Variants in TUBB4B observed in about 807,000 individuals in gnomAD.
TUBB4B encodes tubulin beta 4B class IVb.
Under a neutral mutation model 34.3 loss-of-function variants are expected in TUBB4B, and 7 were observed. That is an observed-to-expected ratio of 0.20 (90% CI 0.12 to 0.38). The LOEUF (loss-of-function observed/expected upper bound fraction) is 0.38. TUBB4B is among the 10% of genes least tolerant of loss of function. The pLI, the probability that TUBB4B is intolerant of heterozygous loss-of-function variation, is 1.00. For synonymous variants in TUBB4B, 390 were observed against 250.2 expected (o/e 1.56, Z -5.27); for missense variants, 178 against 610.9 (o/e 0.29, Z 7.47).
At position 137,241,379 on chromosome 9, in the gene TUBB4B, T is replaced by C. The variant is rs774947647; in HGVS notation, c.19T>C (p.Leu7=). 2 of 1,540,706 alleles carry C rather than the reference T, an allele frequency of 1.3e-6. No individual in the cohort carries two copies. Among genetic ancestry groups the C allele is most frequent in the African/African-American group, 1.4e-5 (1 of 71,694 alleles). ...CGCCATCATGAGGGAAATCGTGCAC[T>C]TGCAGGCCGGGCAGTGCGGCAACCA... MREIVH[L]QAGQCGNQIG... Residue 7 remains leucine, a synonymous_variant, in exon 1 of 4, where the codon TTG becomes CTG. Coordinates refer to ENST00000340384, the MANE Select transcript of TUBB4B (RefSeq NM_006088.6).
rs1470944072 is a variant in TUBB4B at position 137,243,325 on chromosome 9, C to T, written c.1107C>T (p.Gly369=). 3.1e-6 allele frequency: 5 copies of T among 1,613,630 alleles called. No homozygotes were observed. The highest frequency in any genetic ancestry group is 1.3e-5 in the African/African-American group (1 of 75,068). ...TAAAAATGTCCGCCACCTTCATTGGCAACAGCACGGCCATCCAGGAGCTGT... is the reference window on the plus strand; with the variant it reads ...TAAAAATGTCCGCCACCTTCATTGGTAACAGCACGGCCATCCAGGAGCTGT... ...RGLKMSATFI[G]NSTAIQELFK... is the part of the protein sequence containing the mutation. The change falls in exon 4 of 4, where the codon GGC becomes GGT. Residue 369 remains glycine (G), a synonymous_variant. Transcript: ENST00000340384.
chr9:137,241,488 G>C (rs1588857262), intron 1 of TUBB4B, 71 bp downstream of exon 1: 14 of 1,209,188 alleles, frequency 1.2e-5, no homozygotes, highest in Non-Finnish European at 1.5e-5. Flanking sequence ...GGAAGATGGC[G>C]GCAGCAGCGG....
In TUBB4B at chr9:137,241,332, C is replaced by A. The variant is rs11545612; in HGVS notation, c.-29C>A. ...TTCTGCTGCTGTTTGTCTACTTCCT[C>A]CTGCTTCCCCGCCGCCGCCGCCGCC... On this transcript the variant is annotated 5_prime_UTR_variant, in exon 1 of 4. Transcript: ENST00000340384. 30,803 of 1,591,822 alleles carry A rather than the reference C, an allele frequency of 0.019. 2,897 individuals carry two copies. In the African/African-American group the frequency reaches 0.27, roughly 14 times the overall value.
At chr9:137,241,663 C>T in intron 1 of TUBB4B, 58 bp from the exon 2 acceptor site, 4 of 1,418,092 alleles carry the variant, frequency 2.8e-6, no homozygotes, top group South Asian at 2.5e-5. Context: ...TGCCTCCCTG[C>T]GCACCGGCCG....
chr9:137,242,442 G>A, intron 3 of TUBB4B, 54 bp from the exon 4 acceptor site: 1 of 1,578,596 alleles, frequency 6.3e-7, no homozygotes, highest in Non-Finnish European at 8.6e-7. Flanking sequence ...GCATGGCGGT[G>A]ACCAGTAGTG....
At chr9:137,242,210 G>C (rs976591002) in intron 3 of TUBB4B, 189 bp downstream of exon 3, 7 of 676,530 alleles carry the variant, frequency 1.0e-5, no homozygotes, top group South Asian at 9.7e-5. Flanking sequence ...CGCCACACAC[G>C]TAATCTCCCT....
Position 137,243,533 on chromosome 9 carries a change from G to A in TUBB4B, c.1315G>A (p.Glu439Lys). The change falls in exon 4 of 4, where the codon GAG (glutamate) becomes AAG (lysine). Residue 439 changes from glutamate (E) to lysine (K), a missense_variant. Glu to Lys is a moderately conservative substitution (Grantham distance 56). Coordinates refer to ENST00000340384, the MANE Select transcript of TUBB4B (RefSeq NM_006088.6). Reference sequence around the variant, plus strand: ...CGAGGAGGAGGGCGAGTTCGAGGAGGAGGCTGAGGAGGAGGTGGCCTAGAG... The same window carrying A: ...CGAGGAGGAGGGCGAGTTCGAGGAGAAGGCTGAGGAGGAGGTGGCCTAGAG... ...TAEEEGEFEE[E>K]AEEEVA 6.2e-7 allele frequency: 1 copy of A among 1,613,990 alleles called. No homozygotes were observed. Among genetic ancestry groups the A allele is most frequent in the Non-Finnish European group, 8.5e-7 (1 of 1,180,014 alleles).
At position 137,242,928 on chromosome 9, in the gene TUBB4B, C is replaced by T; in HGVS notation, c.710C>T (p.Thr237Ile). The change falls in exon 4 of 4, where the codon ACC (threonine) becomes ATC (isoleucine). Residue 237 changes from threonine (T) to isoleucine (I), a missense_variant. Coordinates refer to ENST00000340384, the MANE Select transcript of TUBB4B (RefSeq NM_006088.6). The part of the protein sequence containing the change: ...HLVSATMSGV[T>I]TCLRFPGQLN... ...GTGTCTGCTACCATGAGTGGGGTCA[C>T]CACCTGCCTGCGCTTCCCAGGCCAG... The T allele has an allele frequency of 1.2e-6, 2 of 1,613,200 alleles. No individual in the cohort carries two copies. The highest frequency in any genetic ancestry group is 1.7e-6 in the Non-Finnish European group (2 of 1,180,026).
chr9:137,242,794 C>A lies in TUBB4B; in HGVS notation c.576C>A (p.Leu192=). 1 of 1,613,876 alleles carries A rather than the reference C, an allele frequency of 6.2e-7. No homozygotes were observed. Among genetic ancestry groups the A allele is most frequent in the Non-Finnish European group, 8.5e-7 (1 of 1,180,024 alleles). The part of the protein sequence containing the change: ...PYNATLSVHQ[L]VENTDETYCI... ...ACGCCACCCTCTCAGTCCACCAGCT[C>A]GTAGAAAACACAGACGAGACCTACT... The change falls in exon 4 of 4, where the codon CTC becomes CTA. Residue 192 remains leucine (L), a synonymous_variant. Transcript: ENST00000340384.
rs761550473 is a variant in TUBB4B at position 137,242,002 on chromosome 9, G to C, written c.258G>C (p.Arg86=). The C allele has an allele frequency of 1.2e-6, 2 of 1,610,594 alleles. No individual in the cohort carries two copies. The highest frequency in any genetic ancestry group is 1.3e-5 in the African/African-American group (1 of 74,866). ...CGGGGCCCTTCGGGCAGATCTTCCG[G>C]CCGGACAACTTCGTTTTCGGTGAGC... is the stretch of plus-strand genomic sequence containing the variant. ...VRSGPFGQIF[R]PDNFVFGQSG... Residue 86 remains arginine (R), a synonymous_variant, in exon 3 of 4, where the codon CGG becomes CGC. Transcript: ENST00000340384.
Position 137,241,845 on chromosome 9 carries a change from C to T in TUBB4B, c.166+16C>T. 1.2e-6 allele frequency: 2 copies of T among 1,612,126 alleles called. No homozygotes were observed. The highest frequency in any genetic ancestry group is 1.7e-6 in the Non-Finnish European group (2 of 1,179,516). On this transcript the variant is annotated intron_variant, in intron 2 of 3. Coordinates refer to ENST00000340384, the MANE Select transcript of TUBB4B (RefSeq NM_006088.6). ...GAGGCCACCGGTGAGGCCCCGGCCC[C>T]TTCCCCGACCGCCCTCCGGGGACCC...
chr9:137,243,636 T>C lies in TUBB4B; in HGVS notation c.*80T>C, dbSNP rs1836808024. On this transcript the variant is annotated 3_prime_UTR_variant, in exon 4 of 4. Transcript: ENST00000340384. ...CAGCCTGTCCTGTGGCCTGTCCCAC[T>C]GTGTGCACTTGCTGTTTTCCCTGTC... 1.2e-6 allele frequency: 2 copies of C among 1,613,806 alleles called. No individual in the cohort carries two copies. The highest frequency in any genetic ancestry group is 1.7e-5 in the Admixed American group (1 of 60,006).
intron 1 of TUBB4B, 150 bp from the exon 2 acceptor site, chr9:137,241,571 C>T: frequency 1.2e-6 from 1 of 813,282 alleles, no homozygotes; most frequent in Non-Finnish European, 1.5e-6. Context: ...CGACCGAAGC[C>T]CCCAGGAACC....
Position 137,241,792 on chromosome 9 carries a change from G to A in TUBB4B, c.129G>A (p.Gln43=), listed in dbSNP as rs754180003. ...CCTACCACGGGGACAGCGACCTGCA[G>A]CTGGAACGCATCAACGTGTACTACA... ...TGTYHGDSDL[Q]LERINVYYNE... Residue 43 remains glutamine, a synonymous_variant, in exon 2 of 4, where the codon CAG becomes CAA. Coordinates refer to ENST00000340384, the MANE Select transcript of TUBB4B (RefSeq NM_006088.6). 2.5e-6 allele frequency: 4 copies of A among 1,612,262 alleles called. No individual in the cohort carries two copies. Among genetic ancestry groups the A allele is most frequent in the South Asian group, 1.1e-5 (1 of 91,090 alleles).
In TUBB4B at chr9:137,243,685, ACCATTAAAG is replaced by A; in HGVS notation, c.*131_*139del. The A allele has an allele frequency of 6.2e-7, 1 of 1,614,062 alleles. No homozygotes were observed. The highest frequency in any genetic ancestry group is 8.5e-7 in the Non-Finnish European group (1 of 1,179,992). On this transcript the variant is annotated 3_prime_UTR_variant, in exon 4 of 4. Transcript: ENST00000340384. ...TCCACATCCATGCTGTACAGACACC[ACCATTAAAG>A]CATTTTCATAGTGTGTGGTTTCGCT...
At chr9:137,241,666 A>C in intron 1 of TUBB4B, 55 bp from the exon 2 acceptor site, 2 of 1,443,464 alleles carry the variant, frequency 1.4e-6, no homozygotes, top group Non-Finnish European at 1.9e-6. Context: ...CTCCCTGCGC[A>C]CCGGCCGCGG....
Position 137,242,284 on chromosome 9 carries a change from G to A in TUBB4B, c.278-212G>A, listed in dbSNP as rs571479396. Reference sequence around the variant, plus strand: ...CTTGGGAATTGGCAGTGGCCCCCCCGGGGAGGGGTTTGTTAAGCTGTCAGG... The same window carrying A: ...CTTGGGAATTGGCAGTGGCCCCCCCAGGGAGGGGTTTGTTAAGCTGTCAGG... On this transcript the variant is annotated intron_variant, in intron 3 of 3. Coordinates refer to ENST00000340384, the MANE Select transcript of TUBB4B (RefSeq NM_006088.6). 823 of 688,278 alleles carry A rather than the reference G, an allele frequency of 1.2e-3. 4 individuals are homozygous for A. In the African/African-American group the frequency reaches 0.012, roughly 10 times the overall value. 42.6% of individuals were successfully genotyped at this position (688,278 alleles called of 1,614,324 possible).
At position 137,241,298 on chromosome 9, in the gene TUBB4B, C is replaced by T. The variant is rs1222659101; in HGVS notation, c.-63C>T. On this transcript the variant is annotated 5_prime_UTR_variant, in exon 1 of 4. Transcript: ENST00000340384. ...GGAGCGTCGGTTGTAGCACTCTGCG[C>T]GCCCGCTCTTCTGCTGCTGTTTGTC... The T allele has an allele frequency of 1.3e-5, 20 of 1,558,108 alleles. No individual in the cohort carries two copies. The highest frequency in any genetic ancestry group is 2.8e-5 in the African/African-American group (2 of 72,716).
intron 1 of TUBB4B, 81 bp downstream of exon 1, chr9:137,241,498 G>C: frequency 8.7e-7 from 1 of 1,155,382 alleles, no homozygotes; most frequent in Non-Finnish European, 1.1e-6. Flanking sequence ...GGCAGCAGCG[G>C]CCGGGCGGCG....
Sources: gnomAD v4.1 joint callset for allele counts on GRCh38, gnomAD v4.1.1 for gene constraint, MANE v1.5 for transcripts, NCBI Gene and HGNC (gene_info 2026-07-23, HGNC 2026-07-21) for gene names.